Variants in CCSER1 observed in about 807,000 individuals in gnomAD.
CCSER1 encodes coiled-coil serine rich protein 1.
A neutral mutation model predicts 82.0 loss-of-function variants in CCSER1; 41 were observed. The observed-to-expected ratio is 0.50, with a 90% CI of 0.39 to 0.65. CCSER1 has a LOEUF of 0.65. Ranked by LOEUF, CCSER1 falls within the 30% of genes least tolerant of loss-of-function variation. The pLI is 0.00. For missense variants in CCSER1, 1,119 were observed against 1,064.2 expected, an observed-to-expected ratio of 1.05 and a Z score of -0.72; for synonymous variants, 414 against 383.9, an observed-to-expected ratio of 1.08 and a Z score of -0.92.
At chr4:90,293,544 A>G (rs923005401) in intron 1 of CCSER1, among the ~76,000 whole-genome samples, 9 of 151,234 alleles carry the variant, frequency 6.0e-5, no homozygotes, top group African/African-American at 9.7e-5. Flanking sequence ...CTCTGCTGCT[A>G]TGTAAATGAA....
chr4:90,561,317 ATTTATGGATCCATTCATTGG>A (rs1371512093), intron 5 of CCSER1, among the ~76,000 whole-genome samples: 1 of 152,240 alleles, frequency 6.6e-6, no homozygotes, highest in Non-Finnish European at 1.5e-5. Context: ...GAAATAGCTT[ATTTATGGATCCATTCATTGG>A]TTTATGGATC....
chr4:90,148,956 A>G (rs1653637265), intron 1 of CCSER1, among the ~76,000 whole-genome samples: 1 of 152,142 alleles, frequency 6.6e-6, no homozygotes, highest in Admixed American at 6.6e-5. Context: ...ACTAAAAGAC[A>G]TGAATAATGA....
At chr4:90,622,478 C>T (rs1338854549) in intron 5 of CCSER1, among the ~76,000 whole-genome samples, 1 of 152,126 alleles carries the variant, frequency 6.6e-6, no homozygotes, top group East Asian at 1.9e-4. Context: ...TCCAAGTGTT[C>T]TCATTATTCA....
intron 10 of CCSER1, among the ~76,000 whole-genome samples, chr4:91,401,567 G>C (rs994001752): frequency 1.3e-5 from 2 of 151,762 alleles, no homozygotes; most frequent in African/African-American, 4.8e-5. Flanking sequence ...CCCCATGACA[G>C]ACCCTGGTGT....
chr4:91,102,884 A>G (rs1452541649), intron 10 of CCSER1, among the ~76,000 whole-genome samples: 1 of 152,230 alleles, frequency 6.6e-6, no homozygotes, highest in Non-Finnish European at 1.5e-5. Flanking sequence ...TCTTAATTAC[A>G]AATAGAAGCT....
intron 5 of CCSER1, among the ~76,000 whole-genome samples, chr4:90,590,856 G>A (rs1782605200): frequency 2.0e-5 from 3 of 152,156 alleles, no homozygotes; most frequent in Admixed American, 6.5e-5. Flanking sequence ...TAGCTTGCTG[G>A]GAATAGCATT....
At chr4:90,630,301 CTGTT>C in intron 6 of CCSER1, among the ~76,000 whole-genome samples, 1 of 152,250 alleles carries the variant, frequency 6.6e-6, no homozygotes, top group African/African-American at 2.4e-5. Context: ...CTTTTTACCT[CTGTT>C]TGGTCTGAAT....
chr4:91,469,458 G>C (rs1447115165), intron 10 of CCSER1, among the ~76,000 whole-genome samples: 1 of 152,146 alleles, frequency 6.6e-6, no homozygotes, highest in African/African-American at 2.4e-5. Flanking sequence ...ATCAACCACT[G>C]TGTGTTCACT....
intron 8 of CCSER1, among the ~76,000 whole-genome samples, chr4:90,886,129 A>T (rs1722086614): frequency 2.6e-5 from 4 of 152,076 alleles, no homozygotes; most frequent in Admixed American, 2.6e-4. Flanking sequence ...GTACAACAGG[A>T]TTGGGATTCA....
rs548506251 is a variant in CCSER1 at position 90,922,682 on chromosome 4, G to A, written c.2095-688G>A. ...AGTACAACACTCTCAGCTGTGAGAG[G>A]CATTTAGTAAATACATTACATAATA... On this transcript the variant is annotated intron_variant, in intron 8 of 10. Transcript: ENST00000509176. Among the ~76,000 whole-genome samples, 4 of 152,098 alleles carry A rather than the reference G, an allele frequency of 2.6e-5. No homozygotes were observed. The East Asian group carries it at 7.7e-4, about 29-fold the overall frequency.
At chr4:91,535,004 GTTGA>G (rs1761223513) in intron 10 of CCSER1, among the ~76,000 whole-genome samples, 1 of 151,510 alleles carries the variant, frequency 6.6e-6, no homozygotes, top group Non-Finnish European at 1.5e-5. Context: ...TATAAATTTT[GTTGA>G]TTGTTATAAA....
chr4:90,308,497 C>T lies in CCSER1; in HGVS notation c.213C>T (p.His71=). 6.2e-7 allele frequency: 1 copy of T among 1,613,870 alleles called. No homozygotes were observed. The highest frequency in any genetic ancestry group is 8.5e-7 in the Non-Finnish European group (1 of 1,179,834). ...SIFRTPSISF[H]HKKGSEPKQE... is the part of the protein sequence containing the mutation. Reference sequence around the variant, plus strand: ...TCCGTACTCCTTCCATTAGCTTCCACCATAAGAAGGGGAGTGAGCCTAAGC... The same window carrying T: ...TCCGTACTCCTTCCATTAGCTTCCATCATAAGAAGGGGAGTGAGCCTAAGC... The change falls in exon 2 of 11, where the codon CAC becomes CAT. Residue 71 remains histidine (H), a synonymous_variant. Transcript: ENST00000509176.
intron 10 of CCSER1, among the ~76,000 whole-genome samples, chr4:91,299,891 ATGAACGACT>A (rs1488709521): frequency 6.6e-6 from 1 of 151,870 alleles, no homozygotes; most frequent in Non-Finnish European, 1.5e-5. Flanking sequence ...TTTGCTTTAA[ATGAACGACT>A]TGCTACTCTG....
intron 7 of CCSER1, among the ~76,000 whole-genome samples, chr4:90,750,945 A>G (rs1375896078): frequency 6.6e-6 from 1 of 152,130 alleles, no homozygotes; most frequent in African/African-American, 2.4e-5. Context: ...TCTTAATTAA[A>G]CCCTGTCTAT....
At chr4:91,205,449 A>C (rs2149075049) in intron 10 of CCSER1, among the ~76,000 whole-genome samples, 1 of 151,962 alleles carries the variant, frequency 6.6e-6, no homozygotes, top group East Asian at 1.9e-4. Context: ...AGTAAAATTT[A>C]AGTTCATTTT....
chr4:90,536,464 A>C (rs924771121), intron 5 of CCSER1, among the ~76,000 whole-genome samples: 1 of 152,220 alleles, frequency 6.6e-6, no homozygotes, highest in South Asian at 2.1e-4. Context: ...CTCATGGCTC[A>C]TCCATGTTAA....
At chr4:90,309,778 A>G (rs139945404) in intron 2 of CCSER1, among the ~76,000 whole-genome samples, 170 bp downstream of exon 2, 6 of 152,226 alleles carry the variant, frequency 3.9e-5, no homozygotes, top group African/African-American at 1.2e-4. Flanking sequence ...TTGATTTTAA[A>G]CTTACATCAA....
intron 1 of CCSER1, among the ~76,000 whole-genome samples, chr4:90,181,435 A>G (rs1349932898): frequency 6.6e-6 from 1 of 152,196 alleles, no homozygotes; most frequent in Non-Finnish European, 1.5e-5. Flanking sequence ...AAGCCAGACA[A>G]AAAGGCATCA....
chr4:90,803,362 G>A (rs1211462982), intron 7 of CCSER1, among the ~76,000 whole-genome samples: 1 of 144,614 alleles, frequency 6.9e-6, no homozygotes, highest in East Asian at 2.1e-4. Flanking sequence ...CCCTCCCTTA[G>A]TCCCCCACCC....
Sources: gnomAD v4.1 joint callset for allele counts (sites outside exome capture counted in the v4.1 genomes callset) on GRCh38, gnomAD v4.1.1 for gene constraint, MANE v1.5 for transcripts, NCBI Gene and HGNC (gene_info 2026-07-23, HGNC 2026-07-21) for gene names.